The following LHFPL2 variants were observed in gnomAD, a reference collection of about 807,000 sequenced individuals.
The protein encoded by LHFPL2 is LHFPL tetraspan subfamily member 2 protein.
LHFPL2 carries 7 observed loss-of-function variants against 17.5 expected under a neutral mutation model. That is an observed-to-expected ratio of 0.40 (90% CI 0.23 to 0.75). LHFPL2 has a LOEUF of 0.75. Ranked by LOEUF, LHFPL2 falls within the 30% of genes least tolerant of loss-of-function variation. LHFPL2 has a pLI of 0.37. For synonymous variants in LHFPL2, 134 were observed against 116.2 expected (o/e 1.15, Z -0.99); for missense variants, 241 against 294.8 (o/e 0.82, Z 1.34).
intron 2 of LHFPL2, among the ~76,000 whole-genome samples, chr5:78,588,704 T>C (rs1324533558): frequency 6.6e-6 from 1 of 152,204 alleles, no homozygotes; most frequent in Non-Finnish European, 1.5e-5. Flanking sequence ...TAAAAGTTAC[T>C]TAACCTCTCT....
intron 4 of LHFPL2, among the ~76,000 whole-genome samples, chr5:78,508,151 T>G (rs1754991323): frequency 6.6e-6 from 1 of 152,026 alleles, no homozygotes; most frequent in Non-Finnish European, 1.5e-5. Context: ...CTTCACAGAA[T>G]CAAACTCTAA....
intron 2 of LHFPL2, among the ~76,000 whole-genome samples, chr5:78,608,805 G>A (rs1365555983): frequency 2.0e-5 from 3 of 151,868 alleles, no homozygotes; most frequent in Non-Finnish European, 2.9e-5. Context: ...GGTGGCGGGC[G>A]CCTGTGGTCC....
chr5:78,536,029 A>G (rs1018153491), intron 3 of LHFPL2, among the ~76,000 whole-genome samples: 2 of 152,170 alleles, frequency 1.3e-5, no homozygotes, highest in African/African-American at 2.4e-5. Context: ...CCTTTCTTCT[A>G]TGAAGACCAC....
chr5:78,610,478 C>T (rs1744380543), intron 2 of LHFPL2, among the ~76,000 whole-genome samples: 1 of 152,172 alleles, frequency 6.6e-6, no homozygotes, highest in Non-Finnish European at 1.5e-5. Flanking sequence ...AGATTCCACT[C>T]GGAAGCCAAG....
intron 3 of LHFPL2, among the ~76,000 whole-genome samples, chr5:78,557,966 T>G (rs927708318): frequency 1.3e-5 from 2 of 152,230 alleles, no homozygotes; most frequent in African/African-American, 4.8e-5. Flanking sequence ...AAAACTTTAT[T>G]GCAATTTGAA....
At chr5:78,542,468 G>A (rs1756141956) in intron 3 of LHFPL2, among the ~76,000 whole-genome samples, 1 of 152,156 alleles carries the variant, frequency 6.6e-6, no homozygotes, top group Non-Finnish European at 1.5e-5. Flanking sequence ...TGCTCTGCTT[G>A]CATCCCGGGG....
intron 2 of LHFPL2, among the ~76,000 whole-genome samples, chr5:78,576,024 A>G (rs906765186): frequency 6.6e-6 from 1 of 152,000 alleles, no homozygotes; most frequent in Non-Finnish European, 1.5e-5. Flanking sequence ...GGCCGGGCGC[A>G]GTGGCTCACG....
chr5:78,549,913 C>A (rs1219007858), intron 3 of LHFPL2, among the ~76,000 whole-genome samples: 5 of 152,160 alleles, frequency 3.3e-5, no homozygotes, highest in Admixed American at 1.3e-4. Flanking sequence ...TAAGAAACTT[C>A]CACTCAAAAT....
chr5:78,531,275 C>T (rs1308406712), intron 3 of LHFPL2, among the ~76,000 whole-genome samples: 16 of 152,040 alleles, frequency 1.1e-4, no homozygotes, highest in Admixed American at 1.0e-3. Flanking sequence ...ATTAGCCGGG[C>T]ATGGTGGTGC....
rs536553551 is a variant in LHFPL2 at position 78,639,858 on chromosome 5, A to G, written c.-349-7490T>C. ...TTTTTAAGAAGTTATTTTGCCCTTA[A>G]TAAGTGTGTGCCATGCACCACTTAT... On this transcript the variant is annotated intron_variant, in intron 1 of 4. Coordinates refer to ENST00000380345, the MANE Select transcript of LHFPL2 (RefSeq NM_005779.3). Among the ~76,000 whole-genome samples, 10 of 152,366 alleles carry G rather than the reference A, an allele frequency of 6.6e-5. No homozygotes were observed. In the South Asian group the frequency reaches 2.1e-3, roughly 32 times the overall value.
At chr5:78,562,536 G>A (rs1481669562) in intron 3 of LHFPL2, among the ~76,000 whole-genome samples, 1 of 151,860 alleles carries the variant, frequency 6.6e-6, no homozygotes, top group Non-Finnish European at 1.5e-5. Context: ...TTGGGAGGCT[G>A]AGGCAGAAGA....
In LHFPL2 at chr5:78,509,727, T is replaced by G; in HGVS notation, c.430+57A>C. On this transcript the variant is annotated intron_variant, in intron 4 of 4. Coordinates refer to ENST00000380345, the MANE Select transcript of LHFPL2 (RefSeq NM_005779.3). Reference sequence around the variant, plus strand: ...GCGAATGCCCAGTACCAGAGTGCGCTGCACCGGCAGCTCTCCATCCCTCCA... The same window carrying G: ...GCGAATGCCCAGTACCAGAGTGCGCGGCACCGGCAGCTCTCCATCCCTCCA... 1.9e-6 allele frequency: 3 copies of G among 1,543,338 alleles called. 1 individual carries two copies. The South Asian group carries it at 3.6e-5, about 18-fold the overall frequency.
At chr5:78,599,349 G>A (rs1332858932) in intron 2 of LHFPL2, among the ~76,000 whole-genome samples, 2 of 152,080 alleles carry the variant, frequency 1.3e-5, no homozygotes, top group African/African-American at 4.8e-5. Context: ...GCCCAGGCTG[G>A]AGTGCAGTGG....
At chr5:78,505,242 C>A (rs1020891336) in intron 4 of LHFPL2, among the ~76,000 whole-genome samples, 1 of 152,216 alleles carries the variant, frequency 6.6e-6, no homozygotes, top group Non-Finnish European at 1.5e-5. Flanking sequence ...AAAAGCCAAC[C>A]CTGCTGGCTG....
intron 1 of LHFPL2, among the ~76,000 whole-genome samples, chr5:78,645,540 G>GCA (rs1554062301): frequency 1.2e-5 from 1 of 86,206 alleles, no homozygotes; most frequent in Admixed American, 1.3e-4. Flanking sequence ...ACAGACAGAT[G>GCA]CATACACACA....
chr5:78,640,945 G>T (rs2112527492), intron 1 of LHFPL2, among the ~76,000 whole-genome samples: 1 of 152,290 alleles, frequency 6.6e-6, no homozygotes, highest in East Asian at 1.9e-4. Context: ...TAGCCCTTGA[G>T]GGCCATTTGG....
At chr5:78,629,292 T>C (rs1242719982) in intron 2 of LHFPL2, among the ~76,000 whole-genome samples, 1 of 152,222 alleles carries the variant, frequency 6.6e-6, no homozygotes, top group African/African-American at 2.4e-5. Context: ...ATATTCAATT[T>C]AAAATCAACT....
At position 78,486,077 on chromosome 5, in the gene LHFPL2, GTATAATATACATAT is replaced by G. The variant is rs1180339808; in HGVS notation, c.*2806_*2819del. ...ACATCTTTCACACAAACTTGTGTAT[GTATAATATACATAT>G]ATATTTTTAAATATGCTACACATAA... On this transcript the variant is annotated 3_prime_UTR_variant, in exon 5 of 5. Coordinates refer to ENST00000380345, the MANE Select transcript of LHFPL2 (RefSeq NM_005779.3). 3.2e-4 allele frequency: 49 copies of G among 152,654 alleles called. No individual in the cohort carries two copies. The highest frequency in any genetic ancestry group is 1.2e-3 in the African/African-American group (48 of 41,518). The allele number at this position is 152,654 out of a possible 1,614,324, so 9.5% of individuals were successfully genotyped here. A position where few individuals can be genotyped will look rare whatever the true frequency, so the allele number is the denominator to read the frequency against.
chr5:78,637,208 G>T (rs751973467), intron 1 of LHFPL2, among the ~76,000 whole-genome samples: 8 of 152,276 alleles, frequency 5.3e-5, no homozygotes, highest in African/African-American at 1.9e-4. Flanking sequence ...GCAAGTTTCA[G>T]AAATAATGCT....
Sources: allele counts gnomAD v4.1 joint callset (sites outside exome capture counted in the v4.1 genomes callset), GRCh38; gene constraint gnomAD v4.1.1; transcripts MANE v1.5; gene names NCBI Gene and HGNC (gene_info 2026-07-23, HGNC 2026-07-21).